RNF2: variants seen among roughly 807,000 people sequenced by gnomAD.
RNF2 encodes the protein ring finger protein 2, also known as E3 ubiquitin-protein ligase RING2.
Under a neutral mutation model 37.2 loss-of-function variants are expected in RNF2, and 6 were observed. That is an observed-to-expected ratio of 0.16 (90% CI 0.09 to 0.32). The LOEUF is 0.32. RNF2 is among the 10% of genes least tolerant of loss of function. RNF2 has a pLI of 1.00. For missense variants in RNF2, 251 were observed against 404.0 expected, an observed-to-expected ratio of 0.62 and a Z score of 3.25; for synonymous variants, 133 against 132.7, an observed-to-expected ratio of 1.00 and a Z score of -0.02.
chr1:185,073,330 T>G (rs1204757381), intron 1 of RNF2, among the ~76,000 whole-genome samples: 2 of 152,196 alleles, frequency 1.3e-5, no homozygotes, highest in African/African-American at 4.8e-5. Context: ...GTAAATTTAT[T>G]AAGAGAGTTA....
intron 1 of RNF2, among the ~76,000 whole-genome samples, chr1:185,084,528 CT>C (rs892763574): frequency 2.1e-3 from 313 of 152,302 alleles, no homozygotes; most frequent in African/African-American, 7.2e-3. Flanking sequence ...GCAAGAGAAT[CT>C]TCTAGGGATG....
chr1:185,057,713 T>C (rs1179941572), intron 1 of RNF2, among the ~76,000 whole-genome samples: 1 of 151,876 alleles, frequency 6.6e-6, no homozygotes, highest in African/African-American at 2.4e-5. Context: ...TCCAGGAGTG[T>C]CTAAGGATCC....
At chr1:185,080,135 T>G (rs551433708) in intron 1 of RNF2, among the ~76,000 whole-genome samples, 13 of 152,340 alleles carry the variant, frequency 8.5e-5, no homozygotes, top group African/African-American at 3.1e-4. Flanking sequence ...TGGCTTCCAC[T>G]CTACTCTTCA....
intron 1 of RNF2, among the ~76,000 whole-genome samples, chr1:185,081,346 G>A (rs538565057): frequency 6.6e-6 from 1 of 152,048 alleles, no homozygotes; most frequent in East Asian, 1.9e-4. Flanking sequence ...GTTGGCGAGA[G>A]GTCCGATGAC....
At chr1:185,056,243 G>A (rs1329317623) in intron 1 of RNF2, among the ~76,000 whole-genome samples, 1 of 151,342 alleles carries the variant, frequency 6.6e-6, no homozygotes, top group East Asian at 1.9e-4. Context: ...AGTTTAATTT[G>A]TTCTGAAAGC....
chr1:185,064,020 G>C (rs533814815), intron 1 of RNF2, among the ~76,000 whole-genome samples: 1 of 152,306 alleles, frequency 6.6e-6, no homozygotes, highest in South Asian at 2.1e-4. Flanking sequence ...ATTTTGCCAT[G>C]TAAGGTTAAC....
intron 1 of RNF2, among the ~76,000 whole-genome samples, chr1:185,085,139 C>CT (rs1651543941): frequency 1.7e-5 from 2 of 116,186 alleles, no homozygotes; most frequent in African/African-American, 3.6e-5. Context: ...ACCCTTCTTT[C>CT]TTTTTCTTTT....
At chr1:185,096,992 A>G (rs561271797) in intron 4 of RNF2, among the ~76,000 whole-genome samples, 1 of 151,800 alleles carries the variant, frequency 6.6e-6, no homozygotes, top group Non-Finnish European at 1.5e-5. Flanking sequence ...CTTTTTTCTT[A>G]TCTATACAGG....
At chr1:185,078,581 A>G (rs530102385) in intron 1 of RNF2, among the ~76,000 whole-genome samples, 2 of 152,246 alleles carry the variant, frequency 1.3e-5, no homozygotes, top group South Asian at 4.1e-4. Context: ...GTACTTAGTG[A>G]TCTTTCATAT....
At chr1:185,073,348 A>T (rs1334306543) in intron 1 of RNF2, among the ~76,000 whole-genome samples, 3 of 152,166 alleles carry the variant, frequency 2.0e-5, no homozygotes, top group Admixed American at 6.5e-5. Flanking sequence ...TTATTACAAT[A>T]TCAAAACTTA....
At chr1:185,063,285 G>A (rs958660127) in intron 1 of RNF2, among the ~76,000 whole-genome samples, 1 of 152,160 alleles carries the variant, frequency 6.6e-6, no homozygotes, top group Non-Finnish European at 1.5e-5. Context: ...CATTTGGCTG[G>A]CTTTTAAACT....
intron 1 of RNF2, among the ~76,000 whole-genome samples, chr1:185,078,468 G>C (rs1651241180): frequency 6.6e-6 from 1 of 151,946 alleles, no homozygotes; most frequent in South Asian, 2.1e-4. Flanking sequence ...TTATTCCTTG[G>C]TTTCCCTATC....
rs778285927 is a variant in RNF2 at position 185,101,947 on chromosome 1, G to T, written c.*1646G>T. The T allele has an allele frequency of 1.7e-4, 24 of 145,050 alleles. No homozygotes were observed. The highest frequency in any genetic ancestry group is 3.1e-4 in the Non-Finnish European group (21 of 67,068). 9.0% of individuals were successfully genotyped at this position (145,050 alleles called of 1,614,324 possible). On this transcript the variant is annotated 3_prime_UTR_variant, in exon 7 of 7. Coordinates refer to ENST00000367510, the MANE Select transcript of RNF2 (RefSeq NM_007212.4). ...TCTGGTGTAATGTTAAAGTTGTATA[G>T]ATTATTAATGCATGCCCACTGAATA...
At chr1:185,078,838 A>G (rs1279981977) in intron 1 of RNF2, among the ~76,000 whole-genome samples, 1 of 152,186 alleles carries the variant, frequency 6.6e-6, no homozygotes, top group Admixed American at 6.5e-5. Flanking sequence ...TGAGGTCAGG[A>G]GTTCGAGACC....
intron 1 of RNF2, among the ~76,000 whole-genome samples, chr1:185,047,472 G>A (rs1030575436): frequency 6.6e-6 from 1 of 152,150 alleles, no homozygotes. Context: ...TACAGTTTGT[G>A]GTGTCACGTC....
intron 1 of RNF2, among the ~76,000 whole-genome samples, chr1:185,075,632 A>G (rs1378320550): frequency 6.6e-6 from 1 of 152,090 alleles, no homozygotes; most frequent in Non-Finnish European, 1.5e-5. Flanking sequence ...GTGAAGGGTG[A>G]GCAGGCAGGT....
At chr1:185,081,506 G>C (rs552949670) in intron 1 of RNF2, among the ~76,000 whole-genome samples, 1 of 141,472 alleles carries the variant, frequency 7.1e-6, no homozygotes, top group Non-Finnish European at 1.5e-5. Context: ...TGATTATCCT[G>C]CCTCAGCCTC....
intron 1 of RNF2, among the ~76,000 whole-genome samples, chr1:185,062,200 T>A (rs1650627135): frequency 6.6e-6 from 1 of 152,176 alleles, no homozygotes. Flanking sequence ...GTGGGGATAG[T>A]GTTCTCATTG....
intron 3 of RNF2, among the ~76,000 whole-genome samples, chr1:185,092,633 A>T (rs931783715): frequency 2.0e-5 from 3 of 151,988 alleles, no homozygotes; most frequent in African/African-American, 7.2e-5. Context: ...TAAAACCACG[A>T]TTTTTCCACT....
Sources: gnomAD v4.1 joint callset for allele counts (sites outside exome capture counted in the v4.1 genomes callset) on GRCh38, gnomAD v4.1.1 for gene constraint, MANE v1.5 for transcripts, NCBI Gene and HGNC (gene_info 2026-07-23, HGNC 2026-07-21) for gene names.